ADAT3: variants seen among roughly 807,000 people sequenced by gnomAD.
ADAT3 encodes the protein tRNA-specific adenosine-34 deaminase regulatory subunit ADAT3.
In ADAT3, 2 loss-of-function variants were observed where a neutral mutation model predicts 3.5. The observed-to-expected ratio is 0.57, with a 90% CI of 0.23 to 1.79. ADAT3 has a LOEUF of 1.79. Among genes scored for constraint, ADAT3 ranks in the 40% most tolerant of loss-of-function variants. The pLI is 0.18. For missense variants in ADAT3, 735 were observed against 571.4 expected, an observed-to-expected ratio of 1.29 and a Z score of -2.92; for synonymous variants, 358 against 270.3, an observed-to-expected ratio of 1.32 and a Z score of -3.18.
At position 1,908,312 on chromosome 19, in the gene ADAT3, C is replaced by T. The variant is rs1213871738; in HGVS notation, c.-159+2873C>T. On this transcript the variant is annotated intron_variant, in intron 1 of 1. Coordinates refer to ENST00000329478, the MANE Select transcript of ADAT3 (RefSeq NM_138422.4). This position sits in a 1 kb window ranked among gnomAD's most constrained non-coding sequence, Gnocchi z 4.2. Reference sequence around the variant, plus strand: ...TGTTGAACGCGTGAGCTTCGGGCAGCGCTGGGGCCGCTTCAGCGTGACCTC... The same window carrying T: ...TGTTGAACGCGTGAGCTTCGGGCAGTGCTGGGGCCGCTTCAGCGTGACCTC... The T allele has an allele frequency of 1.4e-5, 5 of 350,288 alleles. No homozygotes were observed. The highest frequency in any genetic ancestry group is 4.2e-5 in the South Asian group (2 of 47,604). 21.7% of individuals were successfully genotyped at this position (350,288 alleles called of 1,614,324 possible).
Position 1,912,441 on chromosome 19 carries a change from G to T in ADAT3, c.394G>T (p.Asp132Tyr). The change falls in exon 2 of 2, where the codon GAC becomes TAC. Residue 132 changes from aspartate to tyrosine, a missense_variant. By Grantham distance (160) the Asp-to-Tyr change is radical. Coordinates refer to ENST00000329478, the MANE Select transcript of ADAT3 (RefSeq NM_138422.4). ...LAELLPRPAV[D>Y]PRGLGQPFLV... The stretch of plus-strand genomic sequence containing the variant: ...TGAGCTCCTGCCACGGCCGGCTGTG[G>T]ACCCCCGCGGCCTGGGGCAACCCTT... The T allele has an allele frequency of 6.6e-7, 1 of 1,508,624 alleles. No homozygotes were observed. Among genetic ancestry groups the T allele is most frequent in the South Asian group, 1.2e-5 (1 of 81,172 alleles). The allele number at this position is 1,508,624 out of a possible 1,614,324, so 93.5% of individuals were successfully genotyped here.
In ADAT3 at chr19:1,908,837, C is replaced by T. The variant is rs1261455071; in HGVS notation, c.-158-3053C>T. Among the ~76,000 whole-genome samples, 1 of 152,120 alleles carries T rather than the reference C, an allele frequency of 6.6e-6. No individual in the cohort carries two copies. Among genetic ancestry groups the T allele is most frequent in the Non-Finnish European group, 1.5e-5 (1 of 68,018 alleles). ...AAGCAATGTGGGCTGGGCACGGTGG[C>T]TCACACCTGTAATCCCAGCACTTTG... On this transcript the variant is annotated intron_variant, in intron 1 of 1. Coordinates refer to ENST00000329478, the MANE Select transcript of ADAT3 (RefSeq NM_138422.4). The surrounding 1 kb of genome is among the most constrained non-coding windows in gnomAD (Gnocchi z 4.2).
Position 1,912,972 on chromosome 19 carries a change from A to C in ADAT3, c.925A>C (p.Met309Leu), listed in dbSNP as rs200773180. Reference protein sequence around the residue: ...DLYVTREPCAMCAMALVHARI... With the variant: ...DLYVTREPCALCAMALVHARI... ...GTACGTGACCCGCGAGCCCTGCGCC[A>C]TGTGCGCCATGGCCCTGGTGCACGC... The change falls in exon 2 of 2, where the codon ATG becomes CTG. Residue 309 changes from methionine (M) to leucine (L), a missense_variant. By Grantham distance (15) the Met-to-Leu change is conservative. Transcript: ENST00000329478. 3 of 1,609,816 alleles carry C rather than the reference A, an allele frequency of 1.9e-6. No homozygotes were observed. The East Asian group carries it at 6.7e-5, about 36-fold the overall frequency.
At chr19:1,911,329 G>T (rs903720730) in intron 1 of ADAT3, among the ~76,000 whole-genome samples, 28 of 152,126 alleles carry the variant, frequency 1.8e-4, no homozygotes, top group African/African-American at 4.8e-4. Context: ...GTGCCACCAC[G>T]CCCAGCTAAT....
Position 1,911,999 on chromosome 19 carries a change from C to A in ADAT3, c.-49C>A. 7.1e-7 allele frequency: 1 copy of A among 1,414,424 alleles called. No individual in the cohort carries two copies. Among genetic ancestry groups the A allele is most frequent in the Non-Finnish European group, 9.2e-7 (1 of 1,091,320 alleles). 87.6% of individuals were successfully genotyped at this position (1,414,424 alleles called of 1,614,324 possible). A position where few individuals can be genotyped will look rare whatever the true frequency, so the allele number is the denominator to read the frequency against. On this transcript the variant is annotated 5_prime_UTR_variant, in exon 2 of 2. Coordinates refer to ENST00000329478, the MANE Select transcript of ADAT3 (RefSeq NM_138422.4). The stretch of plus-strand genomic sequence containing the variant: ...ACGCCCTGCCTTGTGGAGCCACGGC[C>A]TCCCGGGACGGACTCCCCGGCTCTC...
chr19:1,912,187 T>C lies in ADAT3; in HGVS notation c.140T>C (p.Val47Ala), dbSNP rs766628438. ...CCGGCGCCGTGGCAGGCCCTCCCTG[T>C]CCTGTCCGAGAAGCAGTCAGGGGAC... is the stretch of plus-strand genomic sequence containing the variant. ...PEPAPWQALPVLSEKQSGDVE... is the reference protein window; with the variant it reads ...PEPAPWQALPALSEKQSGDVE... Residue 47 changes from valine to alanine, a missense_variant, in exon 2 of 2, where the codon GTC becomes GCC. By Grantham distance (64) the Val-to-Ala change is moderately conservative. Coordinates refer to ENST00000329478, the MANE Select transcript of ADAT3 (RefSeq NM_138422.4). 1 of 1,582,670 alleles carries C rather than the reference T, an allele frequency of 6.3e-7. No homozygotes were observed. Among genetic ancestry groups the C allele is most frequent in the Non-Finnish European group, 8.6e-7 (1 of 1,168,444 alleles).
rs773529990 is a variant in ADAT3, at chr19:1,912,256, G to A, written c.209G>A (p.Arg70His). ...TACGCCGCGCCCGTCCTGGACAAGCGCCAGACCTCACGCCTCCTGAAGGAG... is the reference window on the plus strand; with the variant it reads ...TACGCCGCGCCCGTCCTGGACAAGCACCAGACCTCACGCCTCCTGAAGGAG... ...LAYAAPVLDKRQTSRLLKEVS... is the reference protein window; with the variant it reads ...LAYAAPVLDKHQTSRLLKEVS... Residue 70 changes from arginine to histidine, a missense_variant, in exon 2 of 2, where the codon CGC (arginine) becomes CAC (histidine). By Grantham distance (29) the Arg-to-His change is conservative (BLOSUM62 0). Transcript: ENST00000329478. The A allele has an allele frequency of 5.0e-6, 8 of 1,596,992 alleles. No individual in the cohort carries two copies. The Admixed American group carries it at 8.5e-5, about 17-fold the overall frequency.
chr19:1,912,295 AC>A lies in ADAT3; in HGVS notation c.251del (p.Pro84ArgfsTer67). On this transcript the variant is annotated frameshift_variant, in exon 2 of 2. Transcript: ENST00000329478. LOFTEE classifies it low-confidence loss of function (END_TRUNC). Reference sequence around the variant, plus strand: ...CTCCTGAAGGAGGTGTCGGCCCTGCACCCGCTCCCCGCCCAGCCTCACCTCA... The same window carrying A: ...CTCCTGAAGGAGGTGTCGGCCCTGCACCGCTCCCCGCCCAGCCTCACCTCA... ...SRLLKEVSALHPLPAQPHLKR... is the reference protein window; with the variant it reads ...SRLLKEVSALXPLPAQPHLKR... 1 of 1,564,410 alleles carries A rather than the reference AC, an allele frequency of 6.4e-7. No individual in the cohort carries two copies. The highest frequency in any genetic ancestry group is 8.6e-7 in the Non-Finnish European group (1 of 1,161,026).
Position 1,912,089 on chromosome 19 carries a change from G to A in ADAT3, c.42G>A (p.Ser14=). 3 of 1,475,096 alleles carry A rather than the reference G, an allele frequency of 2.0e-6. No individual in the cohort carries two copies. The East Asian group carries it at 7.9e-5, about 39-fold the overall frequency. The allele number at this position is 1,475,096 out of a possible 1,614,324, so 91.4% of individuals were successfully genotyped here. Residue 14 remains serine, a synonymous_variant, in exon 2 of 2, where the codon TCG becomes TCA. Transcript: ENST00000329478. ...CSRLCLPQSA[S]LRMEPAPGLV... ...GTCTCTGTCTCCCACAGTCGGCCTC[G>A]CTGAGGATGGAGCCCGCCCCGGGCC...
At position 1,912,201 on chromosome 19, in the gene ADAT3, CAGT is replaced by C; in HGVS notation, c.155_157del (p.Gln52_Ser53delinsPro). The C allele has an allele frequency of 6.3e-7, 1 of 1,588,818 alleles. No individual in the cohort carries two copies. The highest frequency in any genetic ancestry group is 1.1e-5 in the South Asian group (1 of 87,884). ...GGCCCTCCCTGTCCTGTCCGAGAAG[CAGT>C]CAGGGGACGTGGAGCTGGTGCTGGC... On this transcript the variant is annotated inframe_deletion, in exon 2 of 2. Coordinates refer to ENST00000329478, the MANE Select transcript of ADAT3 (RefSeq NM_138422.4).
In ADAT3 at chr19:1,908,144, G is replaced by T. The variant is rs958206965; in HGVS notation, c.-159+2705G>T. On this transcript the variant is annotated intron_variant, in intron 1 of 1. Transcript: ENST00000329478. This position sits in a 1 kb window ranked among gnomAD's most constrained non-coding sequence, Gnocchi z 4.2. The stretch of plus-strand genomic sequence containing the variant: ...CCGTGCGGGCCTCTCGGTCCTGGTC[G>T]CGCGTGGTGTGCGTTTTGGGAGGGC... The T allele has an allele frequency of 7.9e-5, 20 of 252,512 alleles. No individual in the cohort carries two copies. The highest frequency in any genetic ancestry group is 2.4e-5 in the Non-Finnish European group (3 of 127,098). 15.6% of individuals were successfully genotyped at this position (252,512 alleles called of 1,614,324 possible).
Position 1,912,216 on chromosome 19 carries a change from G to A in ADAT3, c.169G>A (p.Glu57Lys), listed in dbSNP as rs1260481479. The A allele has an allele frequency of 1.9e-6, 3 of 1,593,456 alleles. No individual in the cohort carries two copies. Among genetic ancestry groups the A allele is most frequent in the Non-Finnish European group, 1.7e-6 (2 of 1,173,232 alleles). Residue 57 changes from glutamate (E) to lysine (K), a missense_variant, in exon 2 of 2, where the codon GAG (glutamate) becomes AAG (lysine). Glu to Lys is a moderately conservative substitution (Grantham distance 56, BLOSUM62 1). Transcript: ENST00000329478. The part of the protein sequence containing the change: ...VLSEKQSGDV[E>K]LVLAYAAPVL... ...GTCCGAGAAGCAGTCAGGGGACGTG[G>A]AGCTGGTGCTGGCCTACGCCGCGCC...
At chr19:1,909,180 G>A (rs1472630394) in intron 1 of ADAT3, among the ~76,000 whole-genome samples, 1 of 152,106 alleles carries the variant, frequency 6.6e-6, no homozygotes, top group Non-Finnish European at 1.5e-5. Context: ...GCGAGTCTGT[G>A]GGGGCAGATG....
Position 1,908,244 on chromosome 19 carries a change from G to A in ADAT3, c.-159+2805G>A, listed in dbSNP as rs906743079. 1.8e-5 allele frequency: 5 copies of A among 283,078 alleles called. No homozygotes were observed. The highest frequency in any genetic ancestry group is 8.6e-5 in the South Asian group (3 of 34,996). The allele number at this position is 283,078 out of a possible 1,614,324, so 17.5% of individuals were successfully genotyped here. ...CGGCAGCACCTGGCGCTGCCTCCGC[G>A]CTTCCTGCTCCCGGCTCCCACTGCA... is the stretch of plus-strand genomic sequence containing the variant. On this transcript the variant is annotated intron_variant, in intron 1 of 1. Coordinates refer to ENST00000329478, the MANE Select transcript of ADAT3 (RefSeq NM_138422.4). This position sits in a 1 kb window ranked among gnomAD's most constrained non-coding sequence, Gnocchi z 4.2.
At position 1,912,518 on chromosome 19, in the gene ADAT3, G is replaced by A; in HGVS notation, c.471G>A (p.Glu157=). 1 of 1,496,560 alleles carries A rather than the reference G, an allele frequency of 6.7e-7. No homozygotes were observed. Among genetic ancestry groups the A allele is most frequent in the Non-Finnish European group, 8.8e-7 (1 of 1,130,712 alleles). The allele number at this position is 1,496,560 out of a possible 1,614,324, so 92.7% of individuals were successfully genotyped here. The change falls in exon 2 of 2, where the codon GAG becomes GAA. Residue 157 remains glutamate, a synonymous_variant. Coordinates refer to ENST00000329478, the MANE Select transcript of ADAT3 (RefSeq NM_138422.4). ...RPPLTRGQFE[E]ARAHWPTSFH... ...CTCTGACCAGGGGCCAGTTCGAGGA[G>A]GCCCGGGCCCACTGGCCCACGTCCT... is the stretch of plus-strand genomic sequence containing the variant.
At position 1,912,175 on chromosome 19, in the gene ADAT3, A is replaced by C. The variant is rs1469154163; in HGVS notation, c.128A>C (p.Gln43Pro). ...GSPEPEPAPWQALPVLSEKQS... is the reference protein window; with the variant it reads ...GSPEPEPAPWPALPVLSEKQS... ...CCGGAGCCTGAGCCGGCGCCGTGGC[A>C]GGCCCTCCCTGTCCTGTCCGAGAAG... is the stretch of plus-strand genomic sequence containing the variant. The change falls in exon 2 of 2, where the codon CAG (glutamine) becomes CCG (proline). Residue 43 changes from glutamine (Q) to proline (P), a missense_variant. Transcript: ENST00000329478. 6.3e-7 allele frequency: 1 copy of C among 1,577,834 alleles called. No individual in the cohort carries two copies. The highest frequency in any genetic ancestry group is 1.2e-5 in the South Asian group (1 of 86,584).
Position 1,912,340 on chromosome 19 carries a change from G to T in ADAT3, c.293G>T (p.Arg98Leu). The T allele has an allele frequency of 6.5e-7, 1 of 1,533,958 alleles. No homozygotes were observed. The change falls in exon 2 of 2, where the codon CGC (arginine) becomes CTC (leucine). Residue 98 changes from arginine (R) to leucine (L), a missense_variant. Arg to Leu is a moderately radical substitution (Grantham distance 102). Coordinates refer to ENST00000329478, the MANE Select transcript of ADAT3 (RefSeq NM_138422.4). ...QPHLKRVRPS[R>L]DAGSPHALEM... ...CACCTCAAGCGGGTGCGGCCCAGCC[G>T]CGATGCCGGCAGCCCCCACGCCCTG...
In ADAT3 at chr19:1,912,845, C is replaced by T. The variant is rs765111016; in HGVS notation, c.798C>T (p.Ser266=). Reference sequence around the variant, plus strand: ...ACTTCAGACCCTTCCCCGCCTGCTCCTTCGCCCCGGCCGCTGCCCCCCAGG... The same window carrying T: ...ACTTCAGACCCTTCCCCGCCTGCTCTTTCGCCCCGGCCGCTGCCCCCCAGG... ...TYDFRPFPAC[S]FAPAAAPQAV... The change falls in exon 2 of 2, where the codon TCC becomes TCT. Residue 266 remains serine (S), a synonymous_variant. Transcript: ENST00000329478. 22 of 1,595,682 alleles carry T rather than the reference C, an allele frequency of 1.4e-5. No homozygotes were observed. Among genetic ancestry groups the T allele is most frequent in the Admixed American group, 6.7e-5 (4 of 59,388 alleles).
intron 1 of ADAT3, chr19:1,906,956 G>C (rs1354491555): frequency 6.6e-6 from 1 of 151,794 alleles, no homozygotes; most frequent in Non-Finnish European, 1.5e-5. Flanking sequence ...GGGGGGCCTA[G>C]GCAGGTATAT....
Sources: gnomAD v4.1 joint callset for allele counts (sites outside exome capture counted in the v4.1 genomes callset) on GRCh38, gnomAD v4.1.1 for gene constraint, Gnocchi (gnomAD v3.1) non-coding constraint, MANE v1.5 for transcripts, NCBI Gene and HGNC (gene_info 2026-07-23, HGNC 2026-07-21) for gene names.